CENPC: variants seen among roughly 807,000 people sequenced by gnomAD.
CENPC encodes the protein CENP-C 1.
In CENPC, 63 loss-of-function variants were observed where a neutral mutation model predicts 112.1. That is an observed-to-expected ratio of 0.56 (90% CI 0.46 to 0.69). The LOEUF (loss-of-function observed/expected upper bound fraction) is 0.69. Ranked by LOEUF, CENPC falls within the 30% of genes least tolerant of loss-of-function variation. The probability of loss-of-function intolerance (pLI) is 0.00; values close to 1 mark genes in which losing one functional copy is unlikely to be tolerated. For missense variants in CENPC, 1,000 were observed against 1,103.8 expected, an observed-to-expected ratio of 0.91 and a Z score of 1.33; for synonymous variants, 333 against 367.6, an observed-to-expected ratio of 0.91 and a Z score of 1.08.
chr4:67,488,265 C>G (rs1042495685), intron 17 of CENPC, among the ~76,000 whole-genome samples: 4 of 149,158 alleles, frequency 2.7e-5, no homozygotes, highest in Non-Finnish European at 5.9e-5. Context: ...AGTGCAGTAC[C>G]TGGAACACAT....
chr4:67,473,209 G>C (rs1724716959), intron 18 of CENPC, among the ~76,000 whole-genome samples: 1 of 152,052 alleles, frequency 6.6e-6, no homozygotes, highest in Non-Finnish European at 1.5e-5. Context: ...GGGATTACAG[G>C]CATGAGCCAC....
rs892671266 is a variant in CENPC, at chr4:67,492,264, T to C, written c.2431A>G (p.Met811Val). ...LDNDERKTNL[M>V]VNLGIPLGDP... The stretch of plus-strand genomic sequence containing the variant: ...CCAAGAGGTATACCTAGATTTACCA[T>C]TAAGTTAGTCTCTGCAAAAGAAATA... The change falls in exon 16 of 19, where the codon ATG becomes GTG. Residue 811 changes from methionine (M) to valine (V), a missense_variant. Coordinates refer to ENST00000273853, the MANE Select transcript of CENPC (RefSeq NM_001812.4). The C allele has an allele frequency of 3.2e-6, 5 of 1,556,800 alleles. No individual in the cohort carries two copies. The African/African-American group carries it at 6.8e-5, about 21-fold the overall frequency.
In CENPC at chr4:67,502,325, G is replaced by A. The variant is rs139879445; in HGVS notation, c.2131+2880C>T. Among the ~76,000 whole-genome samples the A allele has an allele frequency of 4.2e-3, 643 of 152,204 alleles. 3 individuals carry two copies. The highest frequency in any genetic ancestry group is 0.015 in the African/African-American group (625 of 41,552). ...TTAAAGGAAAAAGTACTGACACAGC[G>A]AGTCAAAAACAATTCAATCATATGC... On this transcript the variant is annotated intron_variant, in intron 12 of 18. Transcript: ENST00000273853.
chr4:67,498,148 C>T (rs140159160), intron 12 of CENPC, among the ~76,000 whole-genome samples: 386 of 152,010 alleles, frequency 2.5e-3, no homozygotes, highest in African/African-American at 8.9e-3. Context: ...GCAAGAGAAT[C>T]GCTTGAACCC....
At chr4:67,495,399 CTT>C (rs1725404208) in intron 12 of CENPC, among the ~76,000 whole-genome samples, 187 bp from the exon 13 acceptor site, 1 of 152,222 alleles carries the variant, frequency 6.6e-6, no homozygotes, top group African/African-American at 2.4e-5. Context: ...TTTCTCTAGA[CTT>C]TGCTACAATG....
chr4:67,478,746 C>T (rs1724875834), intron 17 of CENPC, among the ~76,000 whole-genome samples: 1 of 151,950 alleles, frequency 6.6e-6, no homozygotes, highest in Non-Finnish European at 1.5e-5. Flanking sequence ...ATATAAATGA[C>T]TTCAATGCTC....
At chr4:67,472,866 TTG>T (rs1724704503) in intron 18 of CENPC, among the ~76,000 whole-genome samples, 191 bp from the exon 19 acceptor site, 3 of 152,148 alleles carry the variant, frequency 2.0e-5, no homozygotes, top group Non-Finnish European at 4.4e-5. Context: ...CAGATGAGGC[TTG>T]AGAGAACAGA....
At chr4:67,495,295 T>C (rs1257697102) in intron 12 of CENPC, 83 bp from the exon 13 acceptor site, 34 of 1,250,940 alleles carry the variant, frequency 2.7e-5, no homozygotes, top group African/African-American at 1.6e-5. Flanking sequence ...TCAATTTCAG[T>C]ATGAGTATTT....
At chr4:67,541,320 G>A (rs914774312) in intron 2 of CENPC, among the ~76,000 whole-genome samples, 1 of 152,022 alleles carries the variant, frequency 6.6e-6, no homozygotes, top group African/African-American at 2.4e-5. Context: ...TTAGATTACT[G>A]CTGTATCTCA....
chr4:67,494,998 A>T (rs1171036947), intron 13 of CENPC, among the ~76,000 whole-genome samples, 161 bp downstream of exon 13: 2 of 152,234 alleles, frequency 1.3e-5, no homozygotes, highest in Admixed American at 1.3e-4. Flanking sequence ...GTGGTGACTT[A>T]CTATGAAATT....
At chr4:67,486,006 G>A (rs2109769782) in intron 17 of CENPC, among the ~76,000 whole-genome samples, 1 of 152,024 alleles carries the variant, frequency 6.6e-6, no homozygotes, top group South Asian at 2.1e-4. Context: ...TGTTTCAAAG[G>A]TATTTTTATA....
chr4:67,491,392 G>A lies in CENPC; in HGVS notation c.2515+788C>T, dbSNP rs115058528. Among the ~76,000 whole-genome samples the A allele has an allele frequency of 6.1e-3, 881 of 143,654 alleles. 11 individuals carry two copies. Among genetic ancestry groups the A allele is most frequent in the African/African-American group, 0.022 (851 of 38,554 alleles). 94.2% of individuals were successfully genotyped at this position (143,654 alleles called of 152,430 possible). The stretch of plus-strand genomic sequence containing the variant: ...CTTCTCCTCTGATATAGGACAAACA[G>A]CCCTTAGTACTCAATGGTACAGTCA... On this transcript the variant is annotated intron_variant, in intron 16 of 18. Transcript: ENST00000273853.
chr4:67,542,624 C>T (rs1726919658), intron 2 of CENPC, among the ~76,000 whole-genome samples: 1 of 152,104 alleles, frequency 6.6e-6, no homozygotes, highest in Non-Finnish European at 1.5e-5. Context: ...ATGTGCAAAT[C>T]TAGTTAAAAA....
At position 67,529,395 on chromosome 4, in the gene CENPC, G is replaced by A. The variant is rs370143516; in HGVS notation, c.331+1420C>T. ...GCTGGAGTGCAGTGGCGCAATCTTC[G>A]GCTCACTGCAACCTCCAGCTCCTAG... On this transcript the variant is annotated intron_variant, in intron 5 of 18. Transcript: ENST00000273853. Among the ~76,000 whole-genome samples the A allele has an allele frequency of 2.0e-5, 3 of 151,940 alleles. 1 individual carries two copies. The highest frequency in any genetic ancestry group is 4.2e-4 in the South Asian group (2 of 4,816).
At chr4:67,493,235 G>A (rs575357513) in intron 14 of CENPC, among the ~76,000 whole-genome samples, 93 of 149,248 alleles carry the variant, frequency 6.2e-4, no homozygotes, top group Admixed American at 1.4e-3. Flanking sequence ...TTGCTCCCCT[G>A]AAATCAACAG....
At chr4:67,524,032 A>G (rs1726303514) in intron 5 of CENPC, among the ~76,000 whole-genome samples, 1 of 151,958 alleles carries the variant, frequency 6.6e-6, no homozygotes, top group African/African-American at 2.4e-5. Flanking sequence ...AATAAACCCA[A>G]TCAAGCAGAA....
Position 67,469,990 on chromosome 4 carries a change from G to A in CENPC, c.*2615C>T, listed in dbSNP as rs1356623642. On this transcript the variant is annotated 3_prime_UTR_variant, in exon 19 of 19. Transcript: ENST00000273853. The stretch of plus-strand genomic sequence containing the variant: ...CTAATGTGGTAGCCACCAGTACCAT[G>A]TGCTACTAAGCACTTGAAATGTGGC... 3 of 152,218 alleles carry A rather than the reference G, an allele frequency of 2.0e-5. No individual in the cohort carries two copies. The highest frequency in any genetic ancestry group is 6.5e-5 in the Admixed American group (1 of 15,278). The allele number at this position is 152,218 out of a possible 1,614,324, so 9.4% of individuals were successfully genotyped here. A position where few individuals can be genotyped will look rare whatever the true frequency, so the allele number is the denominator to read the frequency against.
At position 67,530,921 on chromosome 4, in the gene CENPC, A is replaced by G. The variant is rs776394319; in HGVS notation, c.232-7T>C. The stretch of plus-strand genomic sequence containing the variant: ...TTGGATGTGATTTCTGGCACTGAGC[A>G]CAGAAGAAATACAACATTAGAACTA... On this transcript the variant is annotated splice_polypyrimidine_tract_variant and splice_region_variant and intron_variant, in intron 4 of 18. Transcript: ENST00000273853. 4.1e-6 allele frequency: 6 copies of G among 1,478,700 alleles called. No individual in the cohort carries two copies. Among genetic ancestry groups the G allele is most frequent in the Non-Finnish European group, 5.6e-6 (6 of 1,072,088 alleles). The allele number at this position is 1,478,700 out of a possible 1,614,324, so 91.6% of individuals were successfully genotyped here. A position where few individuals can be genotyped will look rare whatever the true frequency, so the allele number is the denominator to read the frequency against.
At chr4:67,508,130 A>G (rs1165762511) in intron 10 of CENPC, among the ~76,000 whole-genome samples, 1 of 152,204 alleles carries the variant, frequency 6.6e-6, no homozygotes, top group Non-Finnish European at 1.5e-5. Flanking sequence ...GAAGAAAAGT[A>G]TTAAGCTATA....
Sources: gnomAD v4.1 joint callset for allele counts (sites outside exome capture counted in the v4.1 genomes callset) on GRCh38, gnomAD v4.1.1 for gene constraint, MANE v1.5 for transcripts, NCBI Gene and HGNC (gene_info 2026-07-23, HGNC 2026-07-21) for gene names.